The following NTNG1 variants were observed in gnomAD, a reference collection of about 807,000 sequenced individuals.
The protein encoded by NTNG1 is netrin-G1.
In NTNG1, 16 loss-of-function variants were observed where a neutral mutation model predicts 54.0. That is an observed-to-expected ratio of 0.30 (90% confidence interval 0.20 to 0.45). NTNG1 has a LOEUF of 0.45. Among genes scored for constraint, NTNG1 ranks in the 20% least tolerant of loss-of-function variants. The probability of loss-of-function intolerance (pLI) is 1.00; values close to 1 mark genes in which losing one functional copy is unlikely to be tolerated. For missense variants in NTNG1, 530 were observed against 678.7 expected, an observed-to-expected ratio of 0.78 and a Z score of 2.43; for synonymous variants, 255 against 263.1, an observed-to-expected ratio of 0.97 and a Z score of 0.30.
At chr1:107,214,951 G>A (rs376281673) in intron 2 of NTNG1, among the ~76,000 whole-genome samples, 1 of 151,452 alleles carries the variant, frequency 6.6e-6, no homozygotes, top group Admixed American at 6.6e-5. Flanking sequence ...TGTCTATTTT[G>A]TCCTTAGCCC....
chr1:107,436,614 T>G, intron 6 of NTNG1, 51 bp from the exon 7 acceptor site: 4 of 1,582,438 alleles, frequency 2.5e-6, no homozygotes, highest in Non-Finnish European at 3.5e-6. Context: ...GTTGATAACC[T>G]GTAAGCCATG....
chr1:107,410,700 G>C (rs1184106388), intron 5 of NTNG1: 1 of 152,100 alleles, frequency 6.6e-6, no homozygotes, highest in Admixed American at 6.6e-5. Context: ...TTATCCAAGT[G>C]AATATTTGTT....
At chr1:107,310,555 G>T (rs1052488810) in intron 2 of NTNG1, among the ~76,000 whole-genome samples, 28 of 152,166 alleles carry the variant, frequency 1.8e-4, no homozygotes, top group African/African-American at 6.3e-4. Flanking sequence ...CACACCAAGA[G>T]ATTTATGTGT....
intron 2 of NTNG1, among the ~76,000 whole-genome samples, chr1:107,281,810 A>G (rs1001029610): frequency 6.6e-6 from 1 of 152,176 alleles, no homozygotes; most frequent in Non-Finnish European, 1.5e-5. Context: ...CTAAGTTACT[A>G]AGCATACTTT....
At chr1:107,306,225 T>C (rs937026061) in intron 2 of NTNG1, among the ~76,000 whole-genome samples, 1 of 152,232 alleles carries the variant, frequency 6.6e-6, no homozygotes, top group African/African-American at 2.4e-5. Context: ...TATGTTTTAT[T>C]TAACCTAATA....
intron 2 of NTNG1, among the ~76,000 whole-genome samples, chr1:107,224,854 G>C (rs1214959182): frequency 6.6e-6 from 1 of 152,080 alleles, no homozygotes; most frequent in Non-Finnish European, 1.5e-5. Flanking sequence ...ATGGATATTG[G>C]TGTCAGACAG....
chr1:107,321,028 G>A (rs551721063), intron 2 of NTNG1, among the ~76,000 whole-genome samples: 77 of 152,174 alleles, frequency 5.1e-4, no homozygotes, highest in African/African-American at 1.8e-3. Context: ...TGTAAATTGG[G>A]AATTGTTCTC....
chr1:107,264,161 C>G (rs1265473208), intron 2 of NTNG1, among the ~76,000 whole-genome samples: 1 of 152,154 alleles, frequency 6.6e-6, no homozygotes, highest in Non-Finnish European at 1.5e-5. Flanking sequence ...CCCACAAACA[C>G]ACACACGCCC....
intron 2 of NTNG1, among the ~76,000 whole-genome samples, chr1:107,238,896 A>T (rs1266150185): frequency 6.6e-6 from 1 of 151,276 alleles, no homozygotes; most frequent in African/African-American, 2.4e-5. Flanking sequence ...ATTGTCTTGT[A>T]TTAAGGTAAA....
At chr1:107,367,065 CGTGTGTGTGTGTGTGT>C (rs57282130) in intron 3 of NTNG1, among the ~76,000 whole-genome samples, 1 of 148,348 alleles carries the variant, frequency 6.7e-6, no homozygotes, top group African/African-American at 2.5e-5. Context: ...TTTATCTGTT[CGTGTGTGTGTGTGTGT>C]GTGTGTGTGT....
intron 7 of NTNG1, among the ~76,000 whole-genome samples, chr1:107,472,715 G>GA (rs1678063038): frequency 6.6e-6 from 1 of 152,058 alleles, no homozygotes; most frequent in African/African-American, 2.4e-5. Flanking sequence ...GGTCGGGGAA[G>GA]AAAAAAGGTT....
intron 2 of NTNG1, among the ~76,000 whole-genome samples, chr1:107,181,172 A>C (rs2101132342): frequency 6.6e-6 from 1 of 152,326 alleles, no homozygotes; most frequent in South Asian, 2.1e-4. Context: ...GGGATTCAAC[A>C]ACAAAAATAA....
chr1:107,193,508 A>G (rs1342467418), intron 2 of NTNG1, among the ~76,000 whole-genome samples: 1 of 151,988 alleles, frequency 6.6e-6, no homozygotes, highest in Non-Finnish European at 1.5e-5. Context: ...TAATAGCCAG[A>G]GTAGTGTCTA....
intron 6 of NTNG1, among the ~76,000 whole-genome samples, chr1:107,432,867 A>G (rs894492955): frequency 8.5e-5 from 13 of 152,086 alleles, no homozygotes; most frequent in Non-Finnish European, 1.6e-4. Flanking sequence ...ATTATTATGA[A>G]GTTTGGCCTT....
chr1:107,147,838 G>A (rs959549163), intron 1 of NTNG1, among the ~76,000 whole-genome samples: 7 of 152,058 alleles, frequency 4.6e-5, no homozygotes, highest in Non-Finnish European at 1.0e-4. Context: ...TGTAACTCAC[G>A]CACACGTGTC....
chr1:107,267,340 G>A (rs1163331306), intron 2 of NTNG1, among the ~76,000 whole-genome samples: 1 of 152,166 alleles, frequency 6.6e-6, no homozygotes, highest in Non-Finnish European at 1.5e-5. Context: ...ATACTGGGGA[G>A]CTAATGTGTG....
chr1:107,208,561 G>A (rs1216137997), intron 2 of NTNG1, among the ~76,000 whole-genome samples: 1 of 152,076 alleles, frequency 6.6e-6, no homozygotes, highest in Non-Finnish European at 1.5e-5. Context: ...ATGTCTCACT[G>A]AGTTTCTAAT....
chr1:107,165,348 CTTT>C (rs1246488892), intron 2 of NTNG1, among the ~76,000 whole-genome samples: 2 of 152,148 alleles, frequency 1.3e-5, no homozygotes, highest in Non-Finnish European at 2.9e-5. Context: ...AGACATGCAA[CTTT>C]ATTATTAAAA....
chr1:107,268,300 C>A (rs1663888154), intron 2 of NTNG1, among the ~76,000 whole-genome samples: 1 of 152,136 alleles, frequency 6.6e-6, no homozygotes, highest in Non-Finnish European at 1.5e-5. Context: ...TGGGTCCCCA[C>A]CACTGTAACA....
Sources: gnomAD v4.1 joint callset for allele counts (sites outside exome capture counted in the v4.1 genomes callset) on GRCh38, gnomAD v4.1.1 for gene constraint, MANE v1.5 for transcripts, NCBI Gene and HGNC (gene_info 2026-07-23, HGNC 2026-07-21) for gene names.